Variants in CCDC6 observed in about 807,000 individuals in gnomAD.
CCDC6 encodes the protein coiled-coil domain containing 6.
Under a neutral mutation model 56.6 loss-of-function variants are expected in CCDC6, and 20 were observed. The observed-to-expected ratio is 0.35, with a 90% CI of 0.25 to 0.51. The LOEUF (loss-of-function observed/expected upper bound fraction) is 0.51, where lower values mean the gene tolerates loss of function less well. Among genes scored for constraint, CCDC6 ranks in the 20% least tolerant of loss-of-function variants. The pLI is 0.95. For synonymous variants in CCDC6, 241 were observed against 234.4 expected, an observed-to-expected ratio of 1.03 and a Z score of -0.26; for missense variants, 367 against 601.1, an observed-to-expected ratio of 0.61 and a Z score of 4.07.
chr10:59,806,316 A>G (rs1217454247), intron 6 of CCDC6: 1 of 152,214 alleles, frequency 6.6e-6, no homozygotes, highest in Non-Finnish European at 1.5e-5. Context: ...CTGCTAGTTA[A>G]CCAAAGGATG....
rs754442755 is a variant in CCDC6, at chr10:59,804,429, T to G, written c.1096A>C (p.Ile366Leu). 6.8e-6 allele frequency: 11 copies of G among 1,606,008 alleles called. No homozygotes were observed. The African/African-American group carries it at 8.0e-5, about 12-fold the overall frequency. The change falls in exon 7 of 9, where the codon ATA becomes CTA. Residue 366 changes from isoleucine (I) to leucine (L), a missense_variant. Physicochemically the swap from Ile to Leu is conservative, Grantham distance 5. Coordinates refer to ENST00000263102, the MANE Select transcript of CCDC6 (RefSeq NM_005436.5). ...YTPSPSSSRP[I>L]SPGLSYASHT... is the part of the protein sequence containing the mutation. ...AAAGACATATGCTCACCAGGTGATA[T>G]AGGCCTGCTTGAACTCGGAGAAGGT...
chr10:59,801,334 C>T (rs7091121), intron 7 of CCDC6, among the ~76,000 whole-genome samples: 1 of 152,252 alleles, frequency 6.6e-6, no homozygotes, highest in Non-Finnish European at 1.5e-5. Context: ...TCTGATCTGG[C>T]TTCTTTCCCT....
chr10:59,864,467 C>T (rs1194080579), intron 1 of CCDC6, among the ~76,000 whole-genome samples: 1 of 152,106 alleles, frequency 6.6e-6, no homozygotes, highest in Non-Finnish European at 1.5e-5. Context: ...CAGACTGATC[C>T]AAATTATTAA....
rs544435191 is a variant in CCDC6 at position 59,835,329 on chromosome 10, TG to T, written c.454-2677del. Reference sequence around the variant, plus strand: ...ATCTGAGGAAAGGCAAGGCTCTCACTGGCTTGCAGGAAAATATCCATATTTA... The same window carrying T: ...ATCTGAGGAAAGGCAAGGCTCTCACTGCTTGCAGGAAAATATCCATATTTA... On this transcript the variant is annotated intron_variant, in intron 2 of 8. Transcript: ENST00000263102. Among the ~76,000 whole-genome samples the T allele has an allele frequency of 2.2e-3, 339 of 152,342 alleles. 2 individuals are homozygous for T. The highest frequency in any genetic ancestry group is 7.8e-3 in the African/African-American group (324 of 41,580).
chr10:59,824,335 C>G (rs2070769523), intron 3 of CCDC6, among the ~76,000 whole-genome samples: 1 of 152,190 alleles, frequency 6.6e-6, no homozygotes, highest in Admixed American at 6.5e-5. Context: ...ATCAACTCAA[C>G]AGACAGCCTC....
intron 3 of CCDC6, among the ~76,000 whole-genome samples, 198 bp from the exon 4 acceptor site, chr10:59,814,953 G>C (rs2070700039): frequency 6.6e-6 from 1 of 152,078 alleles, no homozygotes. Flanking sequence ...GGATGTTAAT[G>C]CTTAATTGTT....
intron 1 of CCDC6, among the ~76,000 whole-genome samples, chr10:59,870,930 CT>C (rs1410212107): frequency 6.6e-6 from 1 of 152,130 alleles, no homozygotes; most frequent in Non-Finnish European, 1.5e-5. Flanking sequence ...ATTTGGGGGT[CT>C]CCCCATCAGC....
intron 6 of CCDC6, among the ~76,000 whole-genome samples, chr10:59,805,985 G>A (rs10761416): frequency 0.099 from 15,071 of 152,056 alleles, 1,175 homozygotes; most frequent in African/African-American, 0.21. Flanking sequence ...AGTACTACTC[G>A]TCACAGCCAT....
At chr10:59,841,654 C>T (rs934737675) in intron 2 of CCDC6, among the ~76,000 whole-genome samples, 42 of 151,676 alleles carry the variant, frequency 2.8e-4, no homozygotes, top group Admixed American at 1.2e-3. Flanking sequence ...AGCAGGCATC[C>T]GTGTCTTGTT....
At chr10:59,887,283 C>G (rs1315501131) in intron 1 of CCDC6, among the ~76,000 whole-genome samples, 1 of 152,088 alleles carries the variant, frequency 6.6e-6, no homozygotes, top group Non-Finnish European at 1.5e-5. Flanking sequence ...GGCTACTTCA[C>G]AAGACTGATG....
intron 2 of CCDC6, among the ~76,000 whole-genome samples, chr10:59,845,366 T>TTG (rs2070982886): frequency 7.4e-6 from 1 of 135,436 alleles, no homozygotes. Flanking sequence ...TTTTTTTTTT[T>TTG]TTTGGGATGT....
intron 6 of CCDC6, chr10:59,804,826 A>G (rs1272620529): frequency 1.8e-5 from 5 of 270,820 alleles, no homozygotes; most frequent in Non-Finnish European, 3.6e-5. Flanking sequence ...CACAACAGCT[A>G]TGTTGAAATT....
intron 1 of CCDC6, among the ~76,000 whole-genome samples, chr10:59,870,810 C>T (rs575495787): frequency 5.9e-5 from 9 of 152,266 alleles, no homozygotes; most frequent in East Asian, 1.9e-4. Flanking sequence ...GCTAACATCC[C>T]GCAAGATGGT....
chr10:59,890,358 C>A (rs766402753), intron 1 of CCDC6, among the ~76,000 whole-genome samples: 1 of 152,146 alleles, frequency 6.6e-6, no homozygotes, highest in Non-Finnish European at 1.5e-5. Context: ...GAGGCACCAT[C>A]CTGAGAAGAC....
At chr10:59,847,793 C>T (rs1161804896) in intron 2 of CCDC6, among the ~76,000 whole-genome samples, 1 of 147,106 alleles carries the variant, frequency 6.8e-6, no homozygotes, top group Non-Finnish European at 1.5e-5. Context: ...TACTCTATAA[C>T]ATTCTGGAGA....
In CCDC6 at chr10:59,814,673, T is replaced by C; in HGVS notation, c.665A>G (p.Asp222Gly). Residue 222 changes from aspartate (D) to glycine (G), a missense_variant, in exon 4 of 9, where the codon GAT (aspartate) becomes GGT (glycine). Transcript: ENST00000263102. ...AAACCGCTTTTCAGCTTCAAGCTTA[T>C]CCATCCTTTTCCAGAGGCGATTAAC... ...ALVNRLWKRM[D>G]KLEAEKRILQ... 1 of 1,612,492 alleles carries C rather than the reference T, an allele frequency of 6.2e-7. No individual in the cohort carries two copies. The highest frequency in any genetic ancestry group is 8.5e-7 in the Non-Finnish European group (1 of 1,178,580).
chr10:59,811,232 C>A (rs956711026), intron 5 of CCDC6, among the ~76,000 whole-genome samples: 2 of 152,128 alleles, frequency 1.3e-5, no homozygotes, highest in Admixed American at 6.5e-5. Flanking sequence ...CTCAAAGGCT[C>A]CAAGGATGAT....
rs531513642 is a variant in CCDC6 at position 59,796,869 on chromosome 10, T to C, written c.1106-2272A>G. On this transcript the variant is annotated intron_variant, in intron 7 of 8. Transcript: ENST00000263102. ...GCCTGTAGTCCTAGCTATTCGGGAG[T>C]CTGAGGCAGGAGAATGGCATGAACT... Among the ~76,000 whole-genome samples, 20 of 149,414 alleles carry C rather than the reference T, an allele frequency of 1.3e-4. No individual in the cohort carries two copies. In the South Asian group the frequency reaches 4.0e-3, roughly 30 times the overall value.
Position 59,790,521 on chromosome 10 carries a change from A to T in CCDC6, c.*2396T>A, listed in dbSNP as rs2070458493. On this transcript the variant is annotated 3_prime_UTR_variant, in exon 9 of 9. Coordinates refer to ENST00000263102, the MANE Select transcript of CCDC6 (RefSeq NM_005436.5). Reference sequence around the variant, plus strand: ...TTGCCAAGAAATTGTCCTAGCAGGTACTACCCAAGTGTTACAGGCTCTGCA... The same window carrying T: ...TTGCCAAGAAATTGTCCTAGCAGGTTCTACCCAAGTGTTACAGGCTCTGCA... 1 of 220,102 alleles carries T rather than the reference A, an allele frequency of 4.5e-6. No homozygotes were observed. Among genetic ancestry groups the T allele is most frequent in the South Asian group, 1.8e-4 (1 of 5,414 alleles). The allele number at this position is 220,102 out of a possible 1,614,324, so 13.6% of individuals were successfully genotyped here.
Sources: allele counts gnomAD v4.1 joint callset (sites outside exome capture counted in the v4.1 genomes callset), GRCh38; gene constraint gnomAD v4.1.1; transcripts MANE v1.5; gene names NCBI Gene and HGNC (gene_info 2026-07-23, HGNC 2026-07-21).